DAP3: variants seen among roughly 807,000 people sequenced by gnomAD.
DAP3 encodes the protein small ribosomal subunit protein mS29.
A neutral mutation model predicts 51.9 loss-of-function variants in DAP3; 28 were observed. That is an observed-to-expected ratio of 0.54 (90% CI 0.40 to 0.74). The LOEUF (loss-of-function observed/expected upper bound fraction) is 0.74, where lower values mean the gene tolerates loss of function less well. DAP3 is among the 30% of genes least tolerant of loss of function. The probability of loss-of-function intolerance (pLI) is 0.00; values close to 1 mark genes in which losing one functional copy is unlikely to be tolerated. For synonymous variants in DAP3, 170 were observed against 170.3 expected (o/e 1.00, Z 0.01); for missense variants, 458 against 483.5 (o/e 0.95, Z 0.49).
At chr1:155,691,295 C>G (rs149979810) in intron 1 of DAP3, among the ~76,000 whole-genome samples, 32 of 141,836 alleles carry the variant, frequency 2.3e-4, no homozygotes, top group Non-Finnish European at 7.3e-5. Flanking sequence ...CATTGCCTCT[C>G]GCAACCACTA....
intron 3 of DAP3, among the ~76,000 whole-genome samples, chr1:155,720,684 C>T (rs1020606050): frequency 6.6e-6 from 1 of 151,574 alleles, no homozygotes; most frequent in African/African-American, 2.4e-5. Flanking sequence ...AAAAAAAACA[C>T]ATAAAGACAT....
chr1:155,733,615 G>T (rs1049250498), intron 11 of DAP3, among the ~76,000 whole-genome samples: 7 of 152,120 alleles, frequency 4.6e-5, no homozygotes, highest in African/African-American at 1.7e-4. Flanking sequence ...AAGGCGGGTG[G>T]ATCACGAGGT....
chr1:155,698,523 C>G (rs1179777937), intron 1 of DAP3, among the ~76,000 whole-genome samples: 1 of 152,174 alleles, frequency 6.6e-6, no homozygotes, highest in Non-Finnish European at 1.5e-5. Context: ...AAACTCCTCT[C>G]TCTCCTCTGA....
chr1:155,736,827 G>C, intron 11 of DAP3, 119 bp from the exon 12 acceptor site: 1 of 837,126 alleles, frequency 1.2e-6, no homozygotes, highest in East Asian at 2.4e-5. Context: ...CAGAGAATGA[G>C]AAGTAGAGTT....
intron 6 of DAP3, chr1:155,726,285 A>AT (rs1174524977): frequency 0.019 from 2,344 of 120,370 alleles, 7 homozygotes; most frequent in South Asian, 0.049. Context: ...CGCCCAGCTA[A>AT]TTTTTTTTTT....
At chr1:155,729,185 C>CA (rs750376416) in intron 8 of DAP3, 23 bp from the exon 9 acceptor site, 9 of 1,614,030 alleles carry the variant, frequency 5.6e-6, no homozygotes, top group Non-Finnish European at 7.6e-6. Context: ...GGTAGCACTA[C>CA]AATCCACTGT....
intron 1 of DAP3, 76 bp from the exon 2 acceptor site, chr1:155,709,697 A>G (rs1659330240): frequency 4.0e-6 from 5 of 1,251,210 alleles, no homozygotes; most frequent in African/African-American, 3.0e-5. Flanking sequence ...CTATTAATCT[A>G]TTGTCAGTTT....
chr1:155,729,174 T>C (rs1040848596), intron 8 of DAP3, 34 bp from the exon 9 acceptor site: 3 of 1,614,166 alleles, frequency 1.9e-6, no homozygotes, highest in Non-Finnish European at 2.5e-6. Flanking sequence ...AGAAGGCCTC[T>C]GGTAGCACTA....
chr1:155,720,573 G>A (rs1326989878), intron 3 of DAP3, among the ~76,000 whole-genome samples: 3 of 151,742 alleles, frequency 2.0e-5, no homozygotes, highest in African/African-American at 4.8e-5. Flanking sequence ...GGTTGAACCC[G>A]GGAGGCGGAG....
At chr1:155,731,802 A>G (rs1659263555) in intron 10 of DAP3, 142 bp from the exon 11 acceptor site, 2 of 745,326 alleles carry the variant, frequency 2.7e-6, no homozygotes, top group South Asian at 2.3e-5. Context: ...GGAATAACCA[A>G]TTTAGTTGCC....
intron 1 of DAP3, among the ~76,000 whole-genome samples, chr1:155,706,842 C>T (rs1264938780): frequency 6.6e-6 from 1 of 150,428 alleles, no homozygotes; most frequent in Admixed American, 6.7e-5. Flanking sequence ...CCTGTAATCC[C>T]AGCGCTTTGA....
intron 1 of DAP3, among the ~76,000 whole-genome samples, chr1:155,706,628 A>C (rs1169487581): frequency 1.3e-5 from 2 of 150,386 alleles, no homozygotes; most frequent in Non-Finnish European, 3.0e-5. Context: ...TTAGCTGGAC[A>C]TGGTGGTGTA....
intron 1 of DAP3, among the ~76,000 whole-genome samples, chr1:155,689,973 G>A (rs531460446): frequency 8.2e-6 from 1 of 122,120 alleles, no homozygotes; most frequent in Admixed American, 7.1e-5. Context: ...TAGGCATAGG[G>A]AAGGTGCAGA....
intron 3 of DAP3, 147 bp from the exon 4 acceptor site, chr1:155,721,370 G>A (rs1247703038): frequency 2.8e-6 from 1 of 355,314 alleles, no homozygotes; most frequent in Non-Finnish European, 5.0e-6. Context: ...ATATATATAT[G>A]TATGTATGTG....
chr1:155,725,865 A>G, intron 5 of DAP3, 62 bp from the exon 6 acceptor site: 1 of 1,514,258 alleles, frequency 6.6e-7, no homozygotes, highest in Non-Finnish European at 9.1e-7. Context: ...AACAAAGCAT[A>G]ACTACTGTTC....
intron 3 of DAP3, 101 bp from the exon 4 acceptor site, chr1:155,721,416 A>T: frequency 1.6e-6 from 1 of 617,464 alleles, no homozygotes; most frequent in South Asian, 2.8e-5. Flanking sequence ...ATATATATAT[A>T]TACACATAGA....
At chr1:155,688,915 C>A, upstream of DAP3, 3 of 1,613,186 alleles carry the variant, frequency 1.9e-6, no homozygotes, top group Non-Finnish European at 2.5e-6. Flanking sequence ...CCGGCCGAGT[C>A]CCATGACAAC....
At chr1:155,699,036 G>T (rs1255428443) in intron 1 of DAP3, among the ~76,000 whole-genome samples, 1 of 152,134 alleles carries the variant, frequency 6.6e-6, no homozygotes, top group African/African-American at 2.4e-5. Context: ...GGCGACAAAG[G>T]AATGAGAAGA....
At chr1:155,723,828 C>T (rs1658264308) in intron 4 of DAP3, among the ~76,000 whole-genome samples, 2 of 152,058 alleles carry the variant, frequency 1.3e-5, no homozygotes, top group Admixed American at 6.6e-5. Context: ...TACTTAAGGC[C>T]AGGAGTTCAA....
Sources: allele counts gnomAD v4.1 joint callset (sites outside exome capture counted in the v4.1 genomes callset), GRCh38; gene constraint gnomAD v4.1.1; transcripts MANE v1.5; gene names NCBI Gene and HGNC (gene_info 2026-07-23, HGNC 2026-07-21).